Variants in SRRM3 observed in about 807,000 individuals in gnomAD.
SRRM3 encodes the protein serine/arginine repetitive matrix protein 3.
In SRRM3, 27 loss-of-function variants were observed where a neutral mutation model predicts 66.2. The ratio of observed to expected loss-of-function variants is 0.41; its 90% CI spans 0.30 to 0.56. The LOEUF is 0.56. Ranked by LOEUF, SRRM3 falls within the 20% of genes least tolerant of loss-of-function variation. The pLI is 0.32. For missense variants in SRRM3, 918 were observed against 991.9 expected, an observed-to-expected ratio of 0.93 and a Z score of 1.00; for synonymous variants, 391 against 414.9, an observed-to-expected ratio of 0.94 and a Z score of 0.70.
chr7:76,226,585 TTTA>T (rs1554603764), intron 1 of SRRM3, among the ~76,000 whole-genome samples: 83 of 150,464 alleles, frequency 5.5e-4, no homozygotes, highest in African/African-American at 1.9e-3. Flanking sequence ...TATTTATTTA[TTTA>T]TTTATTTATT....
chr7:76,283,004 G>C lies in SRRM3; in HGVS notation c.1636G>C (p.Glu546Gln). Reference sequence around the variant, plus strand: ...GGGCCGCGCAAGGCACTCTGAGGCCGAGGCCACCCGCGCCCGGCGCCGCTC... The same window carrying C: ...GGGCCGCGCAAGGCACTCTGAGGCCCAGGCCACCCGCGCCCGGCGCCGCTC... ...GEGRARHSEAEATRARRRSRS... is the reference protein window; with the variant it reads ...GEGRARHSEAQATRARRRSRS... Residue 546 changes from glutamate (E) to glutamine (Q), a missense_variant, in exon 14 of 15, where the codon GAG becomes CAG. Glu to Gln is a conservative substitution (Grantham distance 29). Transcript: ENST00000611745. 3 of 1,463,194 alleles carry C rather than the reference G, an allele frequency of 2.1e-6. No homozygotes were observed. The highest frequency in any genetic ancestry group is 2.7e-6 in the Non-Finnish European group (3 of 1,113,992). The allele number at this position is 1,463,194 out of a possible 1,614,324, so 90.6% of individuals were successfully genotyped here.
Position 76,285,269 on chromosome 7 carries a change from G to A in SRRM3, c.1734-346G>A. On this transcript the variant is annotated intron_variant, in intron 14 of 14. Coordinates refer to ENST00000611745, the MANE Select transcript of SRRM3 (RefSeq NM_001110199.3). The surrounding 1 kb of genome is among the most constrained non-coding windows in gnomAD (Gnocchi z 4.1). ...AGTAGAGACAGGGTTTCATTATGTT[G>A]GCCAGACTGGTCTCAAACTTCTGAC... The A allele has an allele frequency of 1.4e-5, 4 of 279,918 alleles. No individual in the cohort carries two copies. In the South Asian group the frequency reaches 1.6e-4, roughly 11 times the overall value. The allele number at this position is 279,918 out of a possible 1,614,324, so 17.3% of individuals were successfully genotyped here. A position where few individuals can be genotyped will look rare whatever the true frequency, so the allele number is the denominator to read the frequency against.
intron 9 of SRRM3, 34 bp from the exon 10 acceptor site, chr7:76,265,330 T>C: frequency 2.6e-6 from 4 of 1,533,588 alleles, no homozygotes; most frequent in Non-Finnish European, 3.6e-6. Context: ...GGGGCAGAAT[T>C]GAGGTACAGG....
intron 1 of SRRM3, among the ~76,000 whole-genome samples, chr7:76,224,949 C>G (rs1205864483): frequency 3.3e-5 from 5 of 152,142 alleles, no homozygotes; most frequent in Non-Finnish European, 7.4e-5. Flanking sequence ...CCCCACATCC[C>G]GTTATTTACT....
At chr7:76,244,854 G>T (rs1554606022) in intron 2 of SRRM3, among the ~76,000 whole-genome samples, 1 of 152,220 alleles carries the variant, frequency 6.6e-6, no homozygotes, top group African/African-American at 2.4e-5. Context: ...AACTCTCCAT[G>T]CCTCTCTATC....
intron 11 of SRRM3, among the ~76,000 whole-genome samples, chr7:76,270,212 C>T (rs1165358694): frequency 6.6e-6 from 1 of 152,170 alleles, no homozygotes; most frequent in African/African-American, 2.4e-5. Flanking sequence ...TGCTGCTACT[C>T]CTCGGTTCAG....
chr7:76,237,924 C>G (rs555672499), intron 2 of SRRM3, among the ~76,000 whole-genome samples: 1 of 152,092 alleles, frequency 6.6e-6, no homozygotes, highest in Admixed American at 6.6e-5. Flanking sequence ...GGGTGTAAGA[C>G]CCCCAGCATC....
chr7:76,250,384 A>G (rs1393723163), intron 3 of SRRM3, among the ~76,000 whole-genome samples: 1 of 151,790 alleles, frequency 6.6e-6, no homozygotes. Context: ...GGCGCCCACC[A>G]TGACGCCCCG....
chr7:76,209,434 G>C (rs1302706718), intron 1 of SRRM3, among the ~76,000 whole-genome samples: 2 of 152,172 alleles, frequency 1.3e-5, no homozygotes, highest in Non-Finnish European at 2.9e-5. Context: ...GTGCCAGACA[G>C]AGAGGGCAGA....
intron 3 of SRRM3, among the ~76,000 whole-genome samples, chr7:76,256,645 T>TA (rs1801719499): frequency 6.6e-6 from 1 of 151,858 alleles, no homozygotes. Flanking sequence ...CTACAAAGGG[T>TA]AACTTCCTGA....
intron 11 of SRRM3, chr7:76,270,118 G>C (rs528918520): frequency 2.0e-5 from 3 of 152,226 alleles, no homozygotes; most frequent in Admixed American, 1.3e-4. Flanking sequence ...GTGCTGCTGC[G>C]TTCCCCAGGA....
At position 76,212,613 on chromosome 7, in the gene SRRM3, C is replaced by A. The variant is rs1397471599; in HGVS notation, c.-40+10546C>A. ...CCTCCCAAGTAGCTGGGATTACAGG[C>A]ACCCGCCACCATGCCCGGCTAATTT... On this transcript the variant is annotated intron_variant, in intron 1 of 14. Transcript: ENST00000611745. Among the ~76,000 whole-genome samples the A allele has an allele frequency of 3.4e-5, 5 of 148,886 alleles. No individual in the cohort carries two copies. The South Asian group carries it at 8.6e-4, about 26-fold the overall frequency.
intron 8 of SRRM3, 78 bp downstream of exon 8, chr7:76,261,659 G>A: frequency 6.8e-7 from 1 of 1,480,916 alleles, no homozygotes; most frequent in Non-Finnish European, 9.2e-7. Flanking sequence ...ATGGGAGGGG[G>A]TTTTGAGGGT....
intron 2 of SRRM3, among the ~76,000 whole-genome samples, chr7:76,240,643 T>C (rs1387647909): frequency 6.6e-6 from 1 of 151,494 alleles, no homozygotes; most frequent in East Asian, 1.9e-4. Flanking sequence ...AAAAACATTT[T>C]TCACTCTGAG....
intron 3 of SRRM3, among the ~76,000 whole-genome samples, chr7:76,258,415 C>T (rs781886199): frequency 2.6e-5 from 4 of 152,110 alleles, no homozygotes; most frequent in Non-Finnish European, 4.4e-5. Flanking sequence ...GGAAGGGGCT[C>T]TTTAAGAAAT....
chr7:76,270,045 T>C (rs1326414845), intron 11 of SRRM3: 1 of 152,122 alleles, frequency 6.6e-6, no homozygotes, highest in Non-Finnish European at 1.5e-5. Flanking sequence ...CAAATCCTCC[T>C]TTCAACTCCA....
At chr7:76,217,338 G>A (rs1478971291) in intron 1 of SRRM3, among the ~76,000 whole-genome samples, 1 of 152,172 alleles carries the variant, frequency 6.6e-6, no homozygotes, top group Non-Finnish European at 1.5e-5. Flanking sequence ...AGGCTGGAGT[G>A]CAATGGTGTA....
Position 76,254,061 on chromosome 7 carries a change from G to T in SRRM3, c.335+5772G>T, listed in dbSNP as rs534530090. Among the ~76,000 whole-genome samples the T allele has an allele frequency of 3.9e-5, 6 of 152,082 alleles. 1 individual carries two copies. In the South Asian group the frequency reaches 1.0e-3, roughly 26 times the overall value. On this transcript the variant is annotated intron_variant, in intron 3 of 14. Transcript: ENST00000611745. The stretch of plus-strand genomic sequence containing the variant: ...GAGATGGAGTCTCACTGTCACCCAG[G>T]CTGGAGTGCAGTGACACAATCACAG...
chr7:76,285,646 C>T lies in SRRM3; in HGVS notation c.1765C>T (p.Pro589Ser). 2 of 1,551,056 alleles carry T rather than the reference C, an allele frequency of 1.3e-6. No individual in the cohort carries two copies. The highest frequency in any genetic ancestry group is 1.7e-6 in the Non-Finnish European group (2 of 1,146,920). Residue 589 changes from proline to serine, a missense_variant, in exon 15 of 15, where the codon CCC (proline) becomes TCC (serine). Coordinates refer to ENST00000611745, the MANE Select transcript of SRRM3 (RefSeq NM_001110199.3). This position sits in a 1 kb window ranked among gnomAD's most constrained non-coding sequence, Gnocchi z 4.1. ...CAAGCGTCCTATTCCATACTACCGG[C>T]CCAGCCCCTCTTCCTCCTCCAGCTG... ...ARKRPIPYYR[P>S]SPSSSSSCLS...
Sources: gnomAD v4.1 joint callset for allele counts (sites outside exome capture counted in the v4.1 genomes callset) on GRCh38, gnomAD v4.1.1 for gene constraint, Gnocchi (gnomAD v3.1) non-coding constraint, MANE v1.5 for transcripts, NCBI Gene and HGNC (gene_info 2026-07-23, HGNC 2026-07-21) for gene names.